RYR1: variants seen among roughly 807,000 people sequenced by gnomAD.
RYR1 encodes the protein central core disease of muscle.
RYR1 carries 342 observed loss-of-function variants against 583.5 expected under a neutral mutation model. The ratio of observed to expected loss-of-function variants is 0.59; its 90% CI spans 0.54 to 0.64. RYR1 has a LOEUF of 0.64. Ranked by LOEUF, RYR1 falls within the 30% of genes least tolerant of loss-of-function variation. RYR1 has a pLI of 0.00. For missense variants in RYR1, 6,032 were observed against 6,917.2 expected, an observed-to-expected ratio of 0.87 and a Z score of 4.54; for synonymous variants, 2,791 against 2,822.5, an observed-to-expected ratio of 0.99 and a Z score of 0.35.
intron 101 of RYR1, among the ~76,000 whole-genome samples, chr19:38,583,789 C>A (rs755089367): frequency 1.3e-5 from 2 of 152,192 alleles, no homozygotes; most frequent in African/African-American, 4.8e-5. Flanking sequence ...TACACACACA[C>A]CCCATTCACT....
At chr19:38,560,193 G>A (rs753382054) in intron 89 of RYR1, among the ~76,000 whole-genome samples, 3 of 151,512 alleles carry the variant, frequency 2.0e-5, no homozygotes, top group Non-Finnish European at 4.4e-5. Context: ...GCAAAACCCC[G>A]TCTACAAAAA....
At chr19:38,515,980 T>C in intron 64 of RYR1, 107 bp from the exon 65 acceptor site, 1 of 1,343,270 alleles carries the variant, frequency 7.4e-7, no homozygotes, top group Non-Finnish European at 1.0e-6. Context: ...GAATGGCAGC[T>C]CTGTCCCAAA....
intron 33 of RYR1, among the ~76,000 whole-genome samples, chr19:38,484,051 G>A (rs932680723): frequency 1.3e-5 from 2 of 152,098 alleles, no homozygotes; most frequent in Non-Finnish European, 2.9e-5. Flanking sequence ...ACGTGGCCAG[G>A]CACAGTGCCT....
Position 38,587,473 on chromosome 19 carries a change from A to G in RYR1, c.*53A>G. 7.4e-7 allele frequency: 1 copy of G among 1,349,440 alleles called. No individual in the cohort carries two copies. The allele number at this position is 1,349,440 out of a possible 1,614,324, so 83.6% of individuals were successfully genotyped here. A position where few individuals can be genotyped will look rare whatever the true frequency, so the allele number is the denominator to read the frequency against. ...ACCTCAAGTGCCTTATTCTCACAGC[A>G]AGCCCCTTAGTCCCCAAGCCCCTCC... On this transcript the variant is annotated 3_prime_UTR_variant, in exon 106 of 106. Coordinates refer to ENST00000359596, the MANE Select transcript of RYR1 (RefSeq NM_000540.3).
At position 38,436,396 on chromosome 19, in the gene RYR1, G is replaced by A. The variant is rs987721831; in HGVS notation, c.45+2522G>A. On this transcript the variant is annotated intron_variant, in intron 1 of 105. Coordinates refer to ENST00000359596, the MANE Select transcript of RYR1 (RefSeq NM_000540.3). ...CTAATTTGTAAAATTTTTTGTAGAG[G>A]TGAGGTCTCACTATATTGCCCAGGC... is the stretch of plus-strand genomic sequence containing the variant. Among the ~76,000 whole-genome samples, 5 of 151,762 alleles carry A rather than the reference G, an allele frequency of 3.3e-5. 1 individual carries two copies. The highest frequency in any genetic ancestry group is 7.4e-5 in the Non-Finnish European group (5 of 67,992).
At chr19:38,508,588 G>A (rs1326350877) in intron 58 of RYR1, among the ~76,000 whole-genome samples, 1 of 152,224 alleles carries the variant, frequency 6.6e-6, no homozygotes, top group East Asian at 1.9e-4. Flanking sequence ...CCATGAAGGA[G>A]GTCAGAGAGG....
chr19:38,514,985 T>C (rs758641829), intron 63 of RYR1, 41 bp from the exon 64 acceptor site: 20 of 1,462,066 alleles, frequency 1.4e-5, no homozygotes, highest in Admixed American at 1.2e-4. Context: ...AGGGCTTGTC[T>C]TGTGAGCGCA....
At chr19:38,448,314 TGG>T in intron 9 of RYR1, 39 bp from the exon 10 acceptor site, 1 of 1,590,372 alleles carries the variant, frequency 6.3e-7, no homozygotes. Context: ...ATGGGAGAAC[TGG>T]GGGGTCCTCT....
chr19:38,528,034 C>T, intron 73 of RYR1: 1 of 617,770 alleles, frequency 1.6e-6, no homozygotes, highest in Non-Finnish European at 2.8e-6. Context: ...AGAGGAGATG[C>T]GTTGAGTTTG....
In RYR1 at chr19:38,527,649, C is replaced by T. The variant is rs1442635383; in HGVS notation, c.10689C>T (p.Val3563=). 4 of 1,613,898 alleles carry T rather than the reference C, an allele frequency of 2.5e-6. No individual in the cohort carries two copies. The highest frequency in any genetic ancestry group is 3.4e-6 in the Non-Finnish European group (4 of 1,180,014). ...LHNNLHLQGK[V]EGSPSLRWQM... is the part of the protein sequence containing the mutation. ...CCACTCCTTCTTCCTCCCTTCAGGT[C>T]GAAGGCTCCCCGTCTCTGCGCTGGC... Residue 3563 remains valine (V), a splice_region_variant and synonymous_variant, in exon 73 of 106, where the codon GTC becomes GTT. Coordinates refer to ENST00000359596, the MANE Select transcript of RYR1 (RefSeq NM_000540.3).
Position 38,492,635 on chromosome 19 carries a change from C to G in RYR1, c.6273C>G (p.Pro2091=). The stretch of plus-strand genomic sequence containing the variant: ...AGCGGTCAGCAGAGGAGAGCAAACC[C>G]CGTGAGGACTGGGGTCACTGGGGAG... ...EEERSAEESK[P]RSLQELVSHM... The change falls in exon 38 of 106, where the codon CCC becomes CCG. Residue 2091 remains proline (P), a splice_region_variant and synonymous_variant. Transcript: ENST00000359596. The G allele has an allele frequency of 2.5e-6, 4 of 1,609,400 alleles. No individual in the cohort carries two copies. The highest frequency in any genetic ancestry group is 2.5e-6 in the Non-Finnish European group (3 of 1,177,888).
intron 87 of RYR1, among the ~76,000 whole-genome samples, chr19:38,545,959 G>A (rs1025309052): frequency 2.0e-5 from 3 of 152,202 alleles, no homozygotes; most frequent in African/African-American, 2.4e-5. Flanking sequence ...TATGTTCCCC[G>A]CAGACGGCTT....
At position 38,448,490 on chromosome 19, in the gene RYR1, C is replaced by A; in HGVS notation, c.936C>A (p.Ser312=). 6.2e-7 allele frequency: 1 copy of A among 1,614,084 alleles called. No individual in the cohort carries two copies. The highest frequency in any genetic ancestry group is 8.5e-7 in the Non-Finnish European group (1 of 1,180,014). ...GCAAGGCTCACACCAAGGCTACCTC[C>A]TTCTGCTTCCGCATCTCCAAGGTCA... ...DASKAHTKAT[S]FCFRISKEKL... Residue 312 remains serine (S), a synonymous_variant, in exon 10 of 106, where the codon TCC becomes TCA. Coordinates refer to ENST00000359596, the MANE Select transcript of RYR1 (RefSeq NM_000540.3).
intron 76 of RYR1, among the ~76,000 whole-genome samples, 188 bp from the exon 77 acceptor site, chr19:38,532,302 T>C (rs1484992339): frequency 6.6e-6 from 1 of 152,056 alleles, no homozygotes; most frequent in South Asian, 2.1e-4. Flanking sequence ...TTTGTACTTT[T>C]AGTAGAGACG....
intron 34 of RYR1, among the ~76,000 whole-genome samples, chr19:38,488,711 G>A (rs1159537398): frequency 1.3e-5 from 2 of 152,004 alleles, no homozygotes; most frequent in Non-Finnish European, 2.9e-5. Context: ...CACCATGTTG[G>A]CCAGGCTGGT....
rs933347966 is a variant in RYR1, at chr19:38,473,677, G to A, written c.4066G>A (p.Ala1356Thr). 1.1e-5 allele frequency: 17 copies of A among 1,550,758 alleles called. No individual in the cohort carries two copies. The highest frequency in any genetic ancestry group is 8.2e-5 in the African/African-American group (6 of 73,222). The change falls in exon 28 of 106, where the codon GCC becomes ACC. Residue 1356 changes from alanine to threonine, a missense_variant. This residue lies in a region of RYR1 where 2,627 missense variants were observed against 2,961.3 expected (regional missense o/e 0.89). Transcript: ENST00000359596. ...CAAAGAAGGGACTGCGAAGGAGGGC[G>A]CCCCCGGGGGCACCCCGCAGGCGGG... is the stretch of plus-strand genomic sequence containing the variant. ...NGKEGTAKEG[A>T]PGGTPQAGGE...
chr19:38,437,278 T>C (rs910601317), intron 1 of RYR1, among the ~76,000 whole-genome samples: 1 of 152,052 alleles, frequency 6.6e-6, no homozygotes, highest in Non-Finnish European at 1.5e-5. Flanking sequence ...CTCGAACTCC[T>C]GACCTCAAGT....
At chr19:38,523,766 C>A in intron 69 of RYR1, 149 bp from the exon 70 acceptor site, 8 of 1,003,576 alleles carry the variant, frequency 8.0e-6, no homozygotes, top group Admixed American at 3.9e-5. Context: ...GACCCCCCAC[C>A]CCGAGCCAAG....
intron 38 of RYR1, 119 bp from the exon 39 acceptor site, chr19:38,494,233 T>C: frequency 8.7e-7 from 1 of 1,143,768 alleles, no homozygotes; most frequent in Non-Finnish European, 1.3e-6. Flanking sequence ...AGGGCGCAGG[T>C]GGTAGTAACT....
Sources: gnomAD v4.1 joint callset for allele counts (sites outside exome capture counted in the v4.1 genomes callset) on GRCh38, gnomAD v4.1.1 for gene constraint, gnomAD v4.1.1 regional missense constraint, MANE v1.5 for transcripts, NCBI Gene and HGNC (gene_info 2026-07-23, HGNC 2026-07-21) for gene names.